The following RABEP1 variants were observed in gnomAD, a reference collection of about 807,000 sequenced individuals.
The protein encoded by RABEP1 is rab GTPase-binding effector protein 1.
Under a neutral mutation model 123.4 loss-of-function variants are expected in RABEP1, and 51 were observed. The ratio of observed to expected loss-of-function variants is 0.41; its 90% confidence interval spans 0.33 to 0.52. RABEP1 has a LOEUF of 0.52. RABEP1 is among the 20% of genes least tolerant of loss of function. The probability of loss-of-function intolerance (pLI) is 0.16; values close to 1 mark genes in which losing one functional copy is unlikely to be tolerated. For missense variants in RABEP1, 888 were observed against 996.3 expected (o/e 0.89, Z 1.46); for synonymous variants, 347 against 355.2 (o/e 0.98, Z 0.26).
At chr17:5,356,006 T>C (rs900890881) in intron 8 of RABEP1, among the ~76,000 whole-genome samples, 2 of 152,192 alleles carry the variant, frequency 1.3e-5, no homozygotes, top group Non-Finnish European at 2.9e-5. Flanking sequence ...GAAAGGGACA[T>C]TTGTTGTGAT....
intron 8 of RABEP1, among the ~76,000 whole-genome samples, chr17:5,355,331 T>G (rs1908923739): frequency 6.6e-6 from 1 of 152,224 alleles, no homozygotes; most frequent in African/African-American, 2.4e-5. Flanking sequence ...ATTGCCTTTC[T>G]GAGTATTGAA....
intron 1 of RABEP1, among the ~76,000 whole-genome samples, chr17:5,301,453 G>A (rs1204123660): frequency 1.3e-5 from 2 of 152,110 alleles, no homozygotes; most frequent in Non-Finnish European, 2.9e-5. Flanking sequence ...GACAGCCATG[G>A]ATATGGCAGT....
At chr17:5,330,233 T>C (rs1324869075) in intron 2 of RABEP1, among the ~76,000 whole-genome samples, 1 of 152,230 alleles carries the variant, frequency 6.6e-6, no homozygotes, top group Non-Finnish European at 1.5e-5. Context: ...CTACCACAAC[T>C]TCCCAGGTGT....
intron 8 of RABEP1, among the ~76,000 whole-genome samples, chr17:5,356,761 C>A (rs1909052363): frequency 6.6e-6 from 1 of 151,502 alleles, no homozygotes; most frequent in Admixed American, 6.6e-5. Flanking sequence ...AGCGGTCCTT[C>A]TGCCTCATCC....
intron 13 of RABEP1, among the ~76,000 whole-genome samples, chr17:5,375,489 C>T (rs1329291084): frequency 6.6e-6 from 1 of 152,036 alleles, no homozygotes; most frequent in African/African-American, 2.4e-5. Context: ...GTCAGGAGTT[C>T]AACACCAGCC....
At chr17:5,314,125 T>C (rs2144540638) in intron 2 of RABEP1, among the ~76,000 whole-genome samples, 1 of 152,296 alleles carries the variant, frequency 6.6e-6, no homozygotes, top group Non-Finnish European at 1.5e-5. Flanking sequence ...AGTGTTGTCA[T>C]AGCTGTGTTT....
Position 5,282,439 on chromosome 17 carries a change from A to G in RABEP1, c.-48A>G, listed in dbSNP as rs2144411102. On this transcript the variant is annotated 5_prime_UTR_variant, in exon 1 of 18. Coordinates refer to ENST00000537505, the MANE Select transcript of RABEP1 (RefSeq NM_004703.6). Reference sequence around the variant, plus strand: ...CCAGCTGAGCCCGCGGGAGCCCAGGACGCCGCTTCCCCGCCCATCCCCGCT... The same window carrying G: ...CCAGCTGAGCCCGCGGGAGCCCAGGGCGCCGCTTCCCCGCCCATCCCCGCT... 1 of 1,312,692 alleles carries G rather than the reference A, an allele frequency of 7.6e-7. No homozygotes were observed. Among genetic ancestry groups the G allele is most frequent in the Non-Finnish European group, 9.9e-7 (1 of 1,008,536 alleles). The allele number at this position is 1,312,692 out of a possible 1,614,324, so 81.3% of individuals were successfully genotyped here.
At chr17:5,325,721 A>G (rs909672582) in intron 2 of RABEP1, among the ~76,000 whole-genome samples, 2 of 149,632 alleles carry the variant, frequency 1.3e-5, no homozygotes, top group Admixed American at 6.7e-5. Context: ...GGGATGAAAG[A>G]AAAAAAAAAC....
In RABEP1 at chr17:5,282,411, C is replaced by T; in HGVS notation, c.-76C>T. 8.3e-7 allele frequency: 1 copy of T among 1,197,824 alleles called. No homozygotes were observed. Among genetic ancestry groups the T allele is most frequent in the South Asian group, 1.9e-5 (1 of 51,294 alleles). 74.2% of individuals were successfully genotyped at this position (1,197,824 alleles called of 1,614,324 possible). A position where few individuals can be genotyped will look rare whatever the true frequency, so the allele number is the denominator to read the frequency against. On this transcript the variant is annotated 5_prime_UTR_variant, in exon 1 of 18. Coordinates refer to ENST00000537505, the MANE Select transcript of RABEP1 (RefSeq NM_004703.6). ...GGCGGCGGCTCGGTTGACGCCTCCTCCGCCAGCTGAGCCCGCGGGAGCCCA... is the reference window on the plus strand; with the variant it reads ...GGCGGCGGCTCGGTTGACGCCTCCTTCGCCAGCTGAGCCCGCGGGAGCCCA...
At chr17:5,373,581 A>G in intron 13 of RABEP1, 127 bp downstream of exon 13, 4 of 1,103,096 alleles carry the variant, frequency 3.6e-6, no homozygotes, top group African/African-American at 1.6e-5. Context: ...AAAATGTACC[A>G]TTCAGTGGTT....
chr17:5,344,397 C>A (rs539383929), intron 5 of RABEP1, among the ~76,000 whole-genome samples: 3 of 151,970 alleles, frequency 2.0e-5, no homozygotes, highest in African/African-American at 7.2e-5. Context: ...TAGGTTGTGC[C>A]ACTGCACTCC....
chr17:5,344,539 G>A (rs371726555), intron 5 of RABEP1, among the ~76,000 whole-genome samples: 6 of 152,164 alleles, frequency 3.9e-5, no homozygotes, highest in South Asian at 2.1e-4. Flanking sequence ...TTGGGAGGCC[G>A]AGGCGGGCGG....
chr17:5,320,778 T>G (rs1335697895), intron 2 of RABEP1, among the ~76,000 whole-genome samples: 3 of 152,104 alleles, frequency 2.0e-5, no homozygotes, highest in Non-Finnish European at 4.4e-5. Context: ...TATAATAGAT[T>G]GACTAAAAAT....
chr17:5,318,926 A>G (rs1039191934), intron 2 of RABEP1, among the ~76,000 whole-genome samples: 1 of 152,180 alleles, frequency 6.6e-6, no homozygotes, highest in Non-Finnish European at 1.5e-5. Flanking sequence ...GTAACTTACC[A>G]TATTTGAGGT....
Position 5,282,454 on chromosome 17 carries a change from C to T in RABEP1, c.-33C>T, listed in dbSNP as rs1392923041. ...GGAGCCCAGGACGCCGCTTCCCCGCCCATCCCCGCTCCCCGAGGCCGGCCG... is the reference window on the plus strand; with the variant it reads ...GGAGCCCAGGACGCCGCTTCCCCGCTCATCCCCGCTCCCCGAGGCCGGCCG... On this transcript the variant is annotated 5_prime_UTR_variant, in exon 1 of 18. Transcript: ENST00000537505. 7.4e-6 allele frequency: 10 copies of T among 1,347,090 alleles called. No individual in the cohort carries two copies. The highest frequency in any genetic ancestry group is 9.6e-6 in the Non-Finnish European group (10 of 1,039,502). 83.4% of individuals were successfully genotyped at this position (1,347,090 alleles called of 1,614,324 possible). A position where few individuals can be genotyped will look rare whatever the true frequency, so the allele number is the denominator to read the frequency against.
intron 1 of RABEP1, among the ~76,000 whole-genome samples, chr17:5,304,955 A>G (rs2075167379): frequency 6.6e-6 from 1 of 152,216 alleles, no homozygotes; most frequent in Non-Finnish European, 1.5e-5. Flanking sequence ...TTTAATAATG[A>G]CAGCTAACAC....
At chr17:5,360,606 C>T (rs984628266) in intron 8 of RABEP1, among the ~76,000 whole-genome samples, 2 of 152,214 alleles carry the variant, frequency 1.3e-5, no homozygotes, top group African/African-American at 4.8e-5. Context: ...CTTTCCACTA[C>T]TCTGGCTTCT....
chr17:5,317,626 G>GATATATATAT (rs56165368), intron 2 of RABEP1, among the ~76,000 whole-genome samples: 5,274 of 149,172 alleles, frequency 0.035, 107 homozygotes, highest in Non-Finnish European at 0.042. Flanking sequence ...TACTGGAAAG[G>GATATATATAT]ATATATATAT....
intron 6 of RABEP1, 40 bp downstream of exon 6, chr17:5,346,965 C>A (rs775946399): frequency 2.0e-6 from 3 of 1,476,262 alleles, no homozygotes; most frequent in East Asian, 2.4e-5. Flanking sequence ...CTCTAAGAAC[C>A]ATATAAGTTA....
Sources: gnomAD v4.1 joint callset for allele counts (sites outside exome capture counted in the v4.1 genomes callset) on GRCh38, gnomAD v4.1.1 for gene constraint, MANE v1.5 for transcripts, NCBI Gene and HGNC (gene_info 2026-07-23, HGNC 2026-07-21) for gene names.